Variants in PRKN observed in about 807,000 individuals in gnomAD.
PRKN encodes parkin RBR E3 ubiquitin protein ligase.
Under a neutral mutation model 59.5 loss-of-function variants are expected in PRKN, and 56 were observed. That is an observed-to-expected ratio of 0.94 (90% confidence interval 0.76 to 1.18). PRKN has a LOEUF of 1.18. PRKN is among the 50% of genes most tolerant of loss of function. PRKN has a pLI of 0.00. For missense variants in PRKN, 657 were observed against 596.4 expected (o/e 1.10, Z -1.06); for synonymous variants, 250 against 222.1 (o/e 1.13, Z -1.12).
At chr6:162,718,459 C>G (rs1584110478) in intron 1 of PRKN, among the ~76,000 whole-genome samples, 1 of 152,138 alleles carries the variant, frequency 6.6e-6, no homozygotes, top group Admixed American at 6.5e-5. Context: ...TGCCTGTAAT[C>G]TCAGCACTTT....
rs1554277877 is a variant in PRKN at position 161,570,146 on chromosome 6, A to AATAT, written c.872-734_872-731dup. On this transcript the variant is annotated intron_variant, in intron 7 of 11. Transcript: ENST00000366898. ...AGGTAAAAAAAAAAAAAAAAAAAAA[A>AATAT]ATATATATATATATATATATATGCA... 9.7e-4 allele frequency among the ~76,000 whole-genome samples: 74 copies of AATAT among 76,564 alleles called. 1 individual carries two copies. The highest frequency in any genetic ancestry group is 7.5e-3 in the Middle Eastern group (1 of 134). The allele number at this position is 76,564 out of a possible 152,430, so 50.2% of individuals were successfully genotyped here.
At chr6:162,711,470 A>G (rs940064537) in intron 1 of PRKN, among the ~76,000 whole-genome samples, 39 of 151,464 alleles carry the variant, frequency 2.6e-4, no homozygotes, top group Admixed American at 1.8e-3. Context: ...CTGGCCCTGA[A>G]CTATTCCGCT....
At chr6:162,558,313 T>G (rs1467495960) in intron 1 of PRKN, among the ~76,000 whole-genome samples, 3 of 151,306 alleles carry the variant, frequency 2.0e-5, no homozygotes, top group Non-Finnish European at 4.4e-5. Context: ...TTTAAGCAAA[T>G]GCTTTAATTT....
chr6:161,491,346 G>C (rs1466055946), intron 9 of PRKN, among the ~76,000 whole-genome samples: 1 of 152,184 alleles, frequency 6.6e-6, no homozygotes, highest in African/African-American at 2.4e-5. Context: ...GGGAGCGTGA[G>C]AGGGCGTTGA....
chr6:162,609,120 A>G (rs1009328980), intron 1 of PRKN, among the ~76,000 whole-genome samples: 2 of 152,228 alleles, frequency 1.3e-5, no homozygotes, highest in African/African-American at 4.8e-5. Context: ...AGAAACATAA[A>G]GGCAACCTCA....
chr6:162,478,996 G>T (rs1485458429), intron 1 of PRKN, among the ~76,000 whole-genome samples: 2 of 152,044 alleles, frequency 1.3e-5, no homozygotes, highest in African/African-American at 2.4e-5. Context: ...CACCAACACT[G>T]CACACTCAGG....
intron 6 of PRKN, among the ~76,000 whole-genome samples, chr6:161,791,126 A>T (rs1290053874): frequency 6.6e-6 from 1 of 152,222 alleles, no homozygotes; most frequent in Non-Finnish European, 1.5e-5. Context: ...CAGGTTAAAG[A>T]GCGGTAAATT....
intron 5 of PRKN, among the ~76,000 whole-genome samples, chr6:162,038,941 T>G (rs1783951836): frequency 6.6e-6 from 1 of 151,928 alleles, no homozygotes; most frequent in South Asian, 2.1e-4. Context: ...GATCATGAGG[T>G]CAGGAGATCG....
chr6:162,488,726 G>T (rs1792669146), intron 1 of PRKN, among the ~76,000 whole-genome samples: 1 of 152,154 alleles, frequency 6.6e-6, no homozygotes, highest in South Asian at 2.1e-4. Flanking sequence ...GGCCCACATG[G>T]TGTTGGAAAA....
At chr6:161,422,395 C>T (rs540904641) in intron 9 of PRKN, among the ~76,000 whole-genome samples, 1 of 152,136 alleles carries the variant, frequency 6.6e-6, no homozygotes, top group South Asian at 2.1e-4. Context: ...GATGGGGTTT[C>T]ACCATGTTAG....
intron 7 of PRKN, among the ~76,000 whole-genome samples, chr6:161,569,822 T>G (rs565266117): frequency 6.6e-6 from 1 of 152,270 alleles, no homozygotes; most frequent in Non-Finnish European, 1.5e-5. Context: ...ATGTCCTGTT[T>G]GCTCACCATC....
At chr6:162,649,967 G>C (rs765765840) in intron 1 of PRKN, among the ~76,000 whole-genome samples, 12 of 152,164 alleles carry the variant, frequency 7.9e-5, no homozygotes, top group Non-Finnish European at 1.6e-4. Flanking sequence ...ATTCTGCCTG[G>C]GAATTAGACA....
chr6:161,485,196 T>A (rs1186138218), intron 9 of PRKN, among the ~76,000 whole-genome samples: 1 of 152,216 alleles, frequency 6.6e-6, no homozygotes, highest in Non-Finnish European at 1.5e-5. Flanking sequence ...ATGCCTTAGG[T>A]CTTTTTATGA....
intron 1 of PRKN, among the ~76,000 whole-genome samples, chr6:162,578,558 A>G (rs1216110719): frequency 6.6e-6 from 1 of 152,234 alleles, no homozygotes; most frequent in African/African-American, 2.4e-5. Flanking sequence ...AAAATTGTAT[A>G]TAGAACAGGA....
At chr6:162,179,220 G>A (rs970643864) in intron 4 of PRKN, among the ~76,000 whole-genome samples, 1 of 152,190 alleles carries the variant, frequency 6.6e-6, no homozygotes, top group African/African-American at 2.4e-5. Flanking sequence ...TGGGCCTGCA[G>A]CTCTGTGGAT....
chr6:162,058,957 G>GAAAAAAAAAA (rs553927046), intron 4 of PRKN, among the ~76,000 whole-genome samples: 1 of 87,292 alleles, frequency 1.1e-5, no homozygotes, highest in Non-Finnish European at 2.5e-5. Context: ...GCCTCAACAA[G>GAAAAAAAAAA]AAAAAAAAAA....
At chr6:161,558,463 G>T (rs1583226740) in intron 8 of PRKN, among the ~76,000 whole-genome samples, 2 of 151,948 alleles carry the variant, frequency 1.3e-5, no homozygotes, top group East Asian at 3.9e-4. Flanking sequence ...TACTCAGGAG[G>T]CTGAGGTGAG....
rs893289661 is a variant in PRKN at position 161,454,753 on chromosome 6, A to G, written c.1084-67876T>C. 9.2e-5 allele frequency among the ~76,000 whole-genome samples: 14 copies of G among 152,268 alleles called. No homozygotes were observed. In the South Asian group the frequency reaches 1.2e-3, roughly 14 times the overall value. ...TAGGTTGACTACTTTCTGGAGGCCA[A>G]TTGCACTTAACTTGGATTCCTGAGT... On this transcript the variant is annotated intron_variant, in intron 9 of 11. Transcript: ENST00000366898. The surrounding 1 kb of genome is among the most constrained non-coding windows in gnomAD (Gnocchi z 4.6).
At chr6:161,730,612 C>CTG (rs1787658630) in intron 7 of PRKN, among the ~76,000 whole-genome samples, 6 of 109,132 alleles carry the variant, frequency 5.5e-5, no homozygotes, top group African/African-American at 2.1e-4. Flanking sequence ...TCTGATACAT[C>CTG]ACATTCTGAT....
Sources: allele counts gnomAD v4.1 joint callset (sites outside exome capture counted in the v4.1 genomes callset), GRCh38; gene constraint gnomAD v4.1.1; non-coding constraint Gnocchi (gnomAD v3.1); transcripts MANE v1.5; gene names NCBI Gene and HGNC (gene_info 2026-07-23, HGNC 2026-07-21).